Variants in ITSN2 observed in about 807,000 individuals in gnomAD.
ITSN2 encodes intersectin 2.
Under a neutral mutation model 243.7 loss-of-function variants are expected in ITSN2, and 156 were observed. That is an observed-to-expected ratio of 0.64 (90% confidence interval 0.56 to 0.73). The LOEUF (loss-of-function observed/expected upper bound fraction) is 0.73, where lower values mean the gene tolerates loss of function less well. Ranked by LOEUF, ITSN2 falls within the 30% of genes least tolerant of loss-of-function variation. The probability of loss-of-function intolerance (pLI) is 0.00; values close to 1 mark genes in which losing one functional copy is unlikely to be tolerated. For synonymous variants in ITSN2, 703 were observed against 699.9 expected, an observed-to-expected ratio of 1.00 and a Z score of -0.07; for missense variants, 1,801 against 1,996.1, an observed-to-expected ratio of 0.90 and a Z score of 1.86.
chr2:24,257,392 G>T (rs1487687123), intron 23 of ITSN2, among the ~76,000 whole-genome samples: 1 of 151,652 alleles, frequency 6.6e-6, no homozygotes, highest in Non-Finnish European at 1.5e-5. Context: ...TAACTAGAAT[G>T]AAAGATATTC....
At chr2:24,206,857 G>A (rs1668945010) in intron 37 of ITSN2, among the ~76,000 whole-genome samples, 1 of 152,142 alleles carries the variant, frequency 6.6e-6, no homozygotes, top group African/African-American at 2.4e-5. Flanking sequence ...AGTCACACTG[G>A]TTAGGGCAAG....
chr2:24,266,284 T>C (rs183349040), intron 20 of ITSN2, among the ~76,000 whole-genome samples: 2 of 152,328 alleles, frequency 1.3e-5, no homozygotes, highest in Admixed American at 1.3e-4. Context: ...TCCTTATTCA[T>C]TTTTGTATGT....
At position 24,284,811 on chromosome 2, in the gene ITSN2, G is replaced by C. The variant is rs757237119; in HGVS notation, c.1896C>G (p.Cys632Trp). 6.2e-7 allele frequency: 1 copy of C among 1,605,734 alleles called. No individual in the cohort carries two copies. Among genetic ancestry groups the C allele is most frequent in the South Asian group, 1.1e-5 (1 of 90,900 alleles). ...CGNMDDSVLQ[C>W]LLSLLSCLNN... is the part of the protein sequence containing the mutation. ...TGAGACAGCTTAGCAGAGACAAAAG[G>C]CACTGAAGAACAGAGTCATCCATAT... The change falls in exon 17 of 40, where the codon TGC becomes TGG. Residue 632 changes from cysteine (C) to tryptophan (W), a missense_variant. By Grantham distance (215) the Cys-to-Trp change is radical (BLOSUM62 -2). Coordinates refer to ENST00000355123, the MANE Select transcript of ITSN2 (RefSeq NM_006277.3).
intron 1 of ITSN2, among the ~76,000 whole-genome samples, chr2:24,337,727 A>T (rs1338848908): frequency 7.0e-6 from 1 of 143,178 alleles, no homozygotes; most frequent in Non-Finnish European, 1.5e-5. Flanking sequence ...ATCTCAAGAG[A>T]TCCTCCTGCT....
intron 21 of ITSN2, 88 bp from the exon 22 acceptor site, chr2:24,261,338 C>T: frequency 9.9e-7 from 1 of 1,014,104 alleles, no homozygotes. Context: ...ATATTATATA[C>T]ACTGTGCTTA....
At chr2:24,288,326 T>C (rs969382070) in intron 15 of ITSN2, among the ~76,000 whole-genome samples, 9 of 152,144 alleles carry the variant, frequency 5.9e-5, no homozygotes, top group Admixed American at 2.0e-4. Context: ...GTTGACCATA[T>C]ACACTTGGGT....
chr2:24,240,643 T>C (rs1320997065), intron 29 of ITSN2: 1 of 152,196 alleles, frequency 6.6e-6, no homozygotes, highest in Non-Finnish European at 1.5e-5. Flanking sequence ...AACATAAATA[T>C]TGCACAAAAT....
In ITSN2 at chr2:24,246,334, A is replaced by G. The variant is rs1234967408; in HGVS notation, c.3386-14T>C. The G allele has an allele frequency of 6.6e-7, 1 of 1,517,790 alleles. No individual in the cohort carries two copies. Among genetic ancestry groups the G allele is most frequent in the East Asian group, 2.3e-5 (1 of 43,934 alleles). 94.0% of individuals were successfully genotyped at this position (1,517,790 alleles called of 1,614,324 possible). On this transcript the variant is annotated splice_polypyrimidine_tract_variant and intron_variant, in intron 28 of 39. Coordinates refer to ENST00000355123, the MANE Select transcript of ITSN2 (RefSeq NM_006277.3). ...TCACCTGACATACTATCACAAGAAT[A>G]ACAAAATAACACATTAAACAAATTA... is the stretch of plus-strand genomic sequence containing the variant.
chr2:24,222,622 C>T (rs1267040122), intron 29 of ITSN2, among the ~76,000 whole-genome samples: 11 of 151,276 alleles, frequency 7.3e-5, no homozygotes, highest in African/African-American at 2.4e-4. Flanking sequence ...TCTGAATATG[C>T]ACCTGTTGGT....
intron 15 of ITSN2, among the ~76,000 whole-genome samples, chr2:24,288,517 T>G (rs1324003676): frequency 6.6e-6 from 1 of 152,102 alleles, no homozygotes; most frequent in African/African-American, 2.4e-5. Flanking sequence ...TTAGCTAGGC[T>G]CTCTATTCTG....
chr2:24,265,296 C>T (rs1352749812), intron 20 of ITSN2, among the ~76,000 whole-genome samples: 1 of 152,200 alleles, frequency 6.6e-6, no homozygotes, highest in Non-Finnish European at 1.5e-5. Context: ...AACTTTGTAA[C>T]TTTCAATAAA....
Position 24,313,528 on chromosome 2 carries a change from A to G in ITSN2, c.125-5T>C. On this transcript the variant is annotated splice_region_variant and splice_polypyrimidine_tract_variant and intron_variant, in intron 3 of 39. Coordinates refer to ENST00000355123, the MANE Select transcript of ITSN2 (RefSeq NM_006277.3). ...AAAAATTACGTGCTTGATCACCTGG[A>G]GGTAATAAAAACAAAACCCAAGCAG... The G allele has an allele frequency of 6.2e-7, 1 of 1,611,676 alleles. No individual in the cohort carries two copies. Among genetic ancestry groups the G allele is most frequent in the African/African-American group, 1.3e-5 (1 of 75,004 alleles).
intron 20 of ITSN2, among the ~76,000 whole-genome samples, chr2:24,262,834 T>C (rs1192957949): frequency 6.6e-6 from 1 of 152,050 alleles, no homozygotes; most frequent in African/African-American, 2.4e-5. Flanking sequence ...ATCCCCTCCT[T>C]CTCCTAAATT....
chr2:24,356,860 G>A (rs563711207), intron 1 of ITSN2, among the ~76,000 whole-genome samples: 37 of 150,612 alleles, frequency 2.5e-4, no homozygotes, highest in African/African-American at 7.3e-4. Context: ...TTGGGATCGC[G>A]CCATTGCACT....
At chr2:24,315,713 G>A (rs992359565) in intron 2 of ITSN2, among the ~76,000 whole-genome samples, 1 of 152,046 alleles carries the variant, frequency 6.6e-6, no homozygotes, top group Admixed American at 6.6e-5. Context: ...TTGTGATAAT[G>A]AGTGAGTTCC....
At chr2:24,334,205 C>T (rs1351383825) in intron 1 of ITSN2, among the ~76,000 whole-genome samples, 1 of 152,166 alleles carries the variant, frequency 6.6e-6, no homozygotes, top group African/African-American at 2.4e-5. Context: ...ATTACAGGTG[C>T]CCAGCACCGC....
chr2:24,232,792 T>G (rs1383316519), intron 29 of ITSN2, among the ~76,000 whole-genome samples: 1 of 152,220 alleles, frequency 6.6e-6, no homozygotes, highest in Non-Finnish European at 1.5e-5. Context: ...GATTCAAGTC[T>G]TATACTTTCC....
chr2:24,261,164 T>G lies in ITSN2; in HGVS notation c.2624A>C (p.Lys875Thr). Reference sequence around the variant, plus strand: ...CACAGTTCGAGTGAAGGCTGATTTTTTCTGCCATGATGTATTTACAGTTAG... The same window carrying G: ...CACAGTTCGAGTGAAGGCTGATTTTGTCTGCCATGATGTATTTACAGTTAG... ...SNLTVNTSWQKKSAFTRTVSP... is the reference protein window; with the variant it reads ...SNLTVNTSWQTKSAFTRTVSP... Residue 875 changes from lysine to threonine, a missense_variant, in exon 22 of 40, where the codon AAA (lysine) becomes ACA (threonine). Lys to Thr is a moderately conservative substitution (Grantham distance 78). This residue lies in a region of ITSN2 where 928 missense variants were observed against 1,065.4 expected (regional missense o/e 0.87). Coordinates refer to ENST00000355123, the MANE Select transcript of ITSN2 (RefSeq NM_006277.3). The G allele has an allele frequency of 6.2e-7, 1 of 1,613,712 alleles. No homozygotes were observed. The highest frequency in any genetic ancestry group is 2.2e-5 in the East Asian group (1 of 44,842).
rs148366891 is a variant in ITSN2 at position 24,246,196 on chromosome 2, G to A, written c.3510C>T (p.Asn1170=). 1.7e-5 allele frequency: 27 copies of A among 1,613,232 alleles called. No individual in the cohort carries two copies. The highest frequency in any genetic ancestry group is 1.6e-4 in the Middle Eastern group (1 of 6,076). The change falls in exon 29 of 40, where the codon AAC becomes AAT. Residue 1170 remains asparagine, a synonymous_variant. Coordinates refer to ENST00000355123, the MANE Select transcript of ITSN2 (RefSeq NM_006277.3). The part of the protein sequence containing the change: ...DDPDWWQGEI[N]GVTGLFPSNY... ...TTGAAGGAAAGAGACCAGTCACCCC[G>A]TTGATCTCTCCTTGCCACCAATCAG...
Sources: allele counts gnomAD v4.1 joint callset (sites outside exome capture counted in the v4.1 genomes callset), GRCh38; gene constraint gnomAD v4.1.1; regional missense constraint gnomAD v4.1.1; transcripts MANE v1.5; gene names NCBI Gene and HGNC (gene_info 2026-07-23, HGNC 2026-07-21).